Variants in BMERB1 observed in about 807,000 individuals in gnomAD.
The protein encoded by BMERB1 is bMERB domain containing 1.
Under a neutral mutation model 23.6 loss-of-function variants are expected in BMERB1, and 12 were observed. That is an observed-to-expected ratio of 0.51 (90% CI 0.33 to 0.82). BMERB1 has a LOEUF of 0.82. Ranked by LOEUF, BMERB1 falls within the 40% of genes least tolerant of loss-of-function variation. The probability of loss-of-function intolerance (pLI) is 0.03; values close to 1 mark genes in which losing one functional copy is unlikely to be tolerated. For missense variants in BMERB1, 247 were observed against 255.4 expected, an observed-to-expected ratio of 0.97 and a Z score of 0.22; for synonymous variants, 122 against 96.6, an observed-to-expected ratio of 1.26 and a Z score of -1.54.
At chr16:15,527,447 T>G (rs919807235) in intron 2 of BMERB1, among the ~76,000 whole-genome samples, 7 of 151,922 alleles carry the variant, frequency 4.6e-5, no homozygotes, top group Admixed American at 3.9e-4. Context: ...TCTACTAAAA[T>G]ACCAAAAATT....
intron 1 of BMERB1, among the ~76,000 whole-genome samples, chr16:15,496,022 T>G (rs1217763463): frequency 6.6e-6 from 1 of 151,968 alleles, no homozygotes; most frequent in East Asian, 1.9e-4. Flanking sequence ...ATAGTGGTGA[T>G]GGTGATGATG....
chr16:15,556,197 A>G (rs1006537263), intron 2 of BMERB1, among the ~76,000 whole-genome samples: 2 of 151,872 alleles, frequency 1.3e-5, no homozygotes, highest in Non-Finnish European at 2.9e-5. Flanking sequence ...AAAAAATAGC[A>G]TGTGATAGTG....
At chr16:15,557,826 C>T (rs1333976087) in intron 2 of BMERB1, among the ~76,000 whole-genome samples, 1 of 152,146 alleles carries the variant, frequency 6.6e-6, no homozygotes, top group Non-Finnish European at 1.5e-5. Flanking sequence ...GCAGGTGGAT[C>T]ACGAGGTAAG....
chr16:15,576,785 A>G (rs1265138448), intron 3 of BMERB1, among the ~76,000 whole-genome samples: 1 of 152,038 alleles, frequency 6.6e-6, no homozygotes, highest in African/African-American at 2.4e-5. Flanking sequence ...TAAATACCCA[A>G]GGTTCGTTGT....
intron 2 of BMERB1, among the ~76,000 whole-genome samples, chr16:15,555,826 G>A (rs1320079944): frequency 6.6e-6 from 1 of 152,260 alleles, no homozygotes. Flanking sequence ...TGAATCCTAC[G>A]AAAGCTGAAC....
At chr16:15,574,208 C>A (rs2030802906) in intron 3 of BMERB1, among the ~76,000 whole-genome samples, 1 of 152,160 alleles carries the variant, frequency 6.6e-6, no homozygotes, top group African/African-American at 2.4e-5. Flanking sequence ...CTTATAAAAC[C>A]ATCAGATCTC....
At chr16:15,577,564 T>C (rs1335502140) in intron 3 of BMERB1, among the ~76,000 whole-genome samples, 3 of 152,230 alleles carry the variant, frequency 2.0e-5, no homozygotes, top group Admixed American at 1.3e-4. Context: ...AAAGGACACT[T>C]GGAAGACGGC....
chr16:15,552,865 C>T (rs1483125489), intron 2 of BMERB1, among the ~76,000 whole-genome samples: 2 of 152,210 alleles, frequency 1.3e-5, no homozygotes, highest in African/African-American at 2.4e-5. Context: ...AAGGTGAGAG[C>T]TCTTCTAGCT....
intron 1 of BMERB1, among the ~76,000 whole-genome samples, chr16:15,458,475 G>A (rs1420273032): frequency 1.3e-5 from 2 of 152,150 alleles, no homozygotes; most frequent in African/African-American, 2.4e-5. Flanking sequence ...AGCACTTTGG[G>A]AGGCTGAGGT....
At chr16:15,568,527 A>G (rs2030640063) in intron 3 of BMERB1, among the ~76,000 whole-genome samples, 1 of 152,152 alleles carries the variant, frequency 6.6e-6, no homozygotes, top group Non-Finnish European at 1.5e-5. Context: ...AATCCCAGGT[A>G]ACCGGCAGGC....
rs1282052624 is a variant in BMERB1 at position 15,533,687 on chromosome 16, A to G, written c.230+18259A>G. 9.2e-5 allele frequency among the ~76,000 whole-genome samples: 14 copies of G among 152,300 alleles called. No homozygotes were observed. The East Asian group carries it at 1.4e-3, about 15-fold the overall frequency. ...ATGAGGGAGTGGCAAACCGAAGTCT[A>G]TGCATAAGCAGAGAAAGCCAGTCTT... On this transcript the variant is annotated intron_variant, in intron 2 of 5. Coordinates refer to ENST00000300006, the MANE Select transcript of BMERB1 (RefSeq NM_033201.3).
At chr16:15,455,251 G>T (rs2150925668) in intron 1 of BMERB1, among the ~76,000 whole-genome samples, 1 of 149,708 alleles carries the variant, frequency 6.7e-6, no homozygotes, top group East Asian at 2.0e-4. Flanking sequence ...TTGAACCCGG[G>T]AGATGGAGGT....
intron 2 of BMERB1, among the ~76,000 whole-genome samples, chr16:15,563,377 G>A (rs1198122127): frequency 2.0e-5 from 3 of 151,858 alleles, no homozygotes; most frequent in African/African-American, 4.8e-5. Context: ...CTACCACCAC[G>A]CCCGGCTAAT....
intron 1 of BMERB1, among the ~76,000 whole-genome samples, chr16:15,443,690 G>A (rs1164261667): frequency 6.6e-6 from 1 of 152,088 alleles, no homozygotes; most frequent in Non-Finnish European, 1.5e-5. Context: ...GGCCAAGGTG[G>A]GAGGATCACC....
chr16:15,514,563 G>A (rs531768573), intron 1 of BMERB1, among the ~76,000 whole-genome samples: 98 of 152,046 alleles, frequency 6.4e-4, no homozygotes, highest in African/African-American at 2.3e-3. Flanking sequence ...AGGTTGAGGC[G>A]GGCGGATCAC....
At chr16:15,577,755 G>A (rs2030906222) in intron 3 of BMERB1, among the ~76,000 whole-genome samples, 1 of 152,244 alleles carries the variant, frequency 6.6e-6, no homozygotes, top group Admixed American at 6.5e-5. Flanking sequence ...CTTGGGAGAG[G>A]CTGCAAACAC....
chr16:15,463,264 T>C (rs904762920), intron 1 of BMERB1, among the ~76,000 whole-genome samples: 5 of 151,680 alleles, frequency 3.3e-5, no homozygotes, highest in African/African-American at 1.2e-4. Flanking sequence ...ATTAAATATA[T>C]ATATATTTTG....
intron 1 of BMERB1, among the ~76,000 whole-genome samples, chr16:15,468,327 G>T (rs551222692): frequency 6.6e-6 from 1 of 151,366 alleles, no homozygotes; most frequent in African/African-American, 2.4e-5. Context: ...TGTATTTTTT[G>T]TAGAGATGGG....
chr16:15,501,870 C>T (rs2150943510), intron 1 of BMERB1, among the ~76,000 whole-genome samples: 1 of 152,324 alleles, frequency 6.6e-6, no homozygotes, highest in South Asian at 2.1e-4. Context: ...TGCCCACCAC[C>T]CTTGGCCTCT....
Sources: gnomAD v4.1 joint callset for allele counts (sites outside exome capture counted in the v4.1 genomes callset) on GRCh38, gnomAD v4.1.1 for gene constraint, MANE v1.5 for transcripts, NCBI Gene and HGNC (gene_info 2026-07-23, HGNC 2026-07-21) for gene names.